GON4L: variants seen among roughly 807,000 people sequenced by gnomAD.
GON4L encodes GON-4-like protein.
Under a neutral mutation model 211.8 loss-of-function variants are expected in GON4L, and 87 were observed. That is an observed-to-expected ratio of 0.41 (90% CI 0.35 to 0.49). The LOEUF is 0.49. GON4L is among the 20% of genes least tolerant of loss of function. GON4L has a pLI of 0.15. For missense variants in GON4L, 2,155 were observed against 2,659.5 expected, an observed-to-expected ratio of 0.81 and a Z score of 4.17; for synonymous variants, 875 against 962.6, an observed-to-expected ratio of 0.91 and a Z score of 1.68.
intron 10 of GON4L, among the ~76,000 whole-genome samples, chr1:155,811,177 G>T (rs1667727989): frequency 6.6e-6 from 1 of 151,762 alleles, no homozygotes; most frequent in Admixed American, 6.6e-5. Flanking sequence ...TGGATCATGA[G>T]GTCAGGAGAT....
chr1:155,833,721 G>A (rs1236869843), intron 2 of GON4L, among the ~76,000 whole-genome samples: 35 of 96,798 alleles, frequency 3.6e-4, no homozygotes, highest in African/African-American at 1.2e-3. Flanking sequence ...GAGGGAAGAG[G>A]AGAGTGGGGA....
At chr1:155,811,904 T>C (rs1667824222) in intron 10 of GON4L, among the ~76,000 whole-genome samples, 1 of 150,906 alleles carries the variant, frequency 6.6e-6, no homozygotes, top group African/African-American at 2.4e-5. Context: ...ATACAAAAAT[T>C]AGCCAGGCGT....
At chr1:155,848,283 A>T (rs540587486) in intron 2 of GON4L, among the ~76,000 whole-genome samples, 5 of 152,060 alleles carry the variant, frequency 3.3e-5, no homozygotes, top group Admixed American at 1.3e-4. Context: ...ATCTGAACTC[A>T]TATTCAAACT....
intron 2 of GON4L, among the ~76,000 whole-genome samples, chr1:155,842,972 T>C (rs1284395520): frequency 2.0e-5 from 3 of 152,156 alleles, no homozygotes; most frequent in African/African-American, 7.2e-5. Context: ...ACTAGCTAGG[T>C]ACACCTGTCC....
chr1:155,853,113 GA>G lies in GON4L; in HGVS notation c.505+162del, dbSNP rs371559016. On this transcript the variant is annotated intron_variant, in intron 2 of 31. Transcript: ENST00000368331. Reference sequence around the variant, plus strand: ...GTGACATGGCAAGACTCCGTCTCAAGAAAAAAAAAAAGTTCACTGTTGACCC... The same window carrying G: ...GTGACATGGCAAGACTCCGTCTCAAGAAAAAAAAAAGTTCACTGTTGACCC... 1.9e-3 allele frequency among the ~76,000 whole-genome samples: 283 copies of G among 145,704 alleles called. 1 individual carries two copies. The highest frequency in any genetic ancestry group is 6.4e-3 in the African/African-American group (257 of 40,016).
At chr1:155,835,595 T>C (rs1388455493) in intron 2 of GON4L, among the ~76,000 whole-genome samples, 1 of 152,116 alleles carries the variant, frequency 6.6e-6, no homozygotes, top group African/African-American at 2.4e-5. Flanking sequence ...ATTTTCGTCA[T>C]TTGGTATGGG....
intron 11 of GON4L, among the ~76,000 whole-genome samples, chr1:155,800,637 A>C (rs1666556428): frequency 6.6e-6 from 1 of 152,110 alleles, no homozygotes; most frequent in Non-Finnish European, 1.5e-5. Context: ...GTGGAACAGA[A>C]GGTCAGGAGT....
chr1:155,766,576 T>A lies in GON4L; in HGVS notation c.2897A>T (p.Glu966Val), dbSNP rs1327110068. 15 of 1,613,984 alleles carry A rather than the reference T, an allele frequency of 9.3e-6. No homozygotes were observed. The highest frequency in any genetic ancestry group is 1.3e-5 in the Non-Finnish European group (15 of 1,180,026). The change falls in exon 21 of 32, where the codon GAA (glutamate) becomes GTA (valine). Residue 966 changes from glutamate to valine, a missense_variant. Physicochemically the swap from Glu to Val is moderately radical, Grantham distance 121 (BLOSUM62 -2). Transcript: ENST00000368331. ...AGGCAATAGCAGTGGGTACCGAGAT[T>A]CACTCCCCAACTCCAAATTGTCTTT... ...LEKDNLELGSESRYPLLLPKG... is the reference protein window; with the variant it reads ...LEKDNLELGSVSRYPLLLPKG...
At chr1:155,811,388 T>A in intron 10 of GON4L, among the ~76,000 whole-genome samples, 1 of 30,054 alleles carries the variant, frequency 3.3e-5, no homozygotes, top group South Asian at 2.1e-3. Context: ...CAAGACTCCG[T>A]CTCAAAAAAA....
rs576146944 is a variant in GON4L, at chr1:155,848,076, A to T, written c.505+5200T>A. On this transcript the variant is annotated intron_variant, in intron 2 of 31. Transcript: ENST00000368331. Reference sequence around the variant, plus strand: ...AATAACCTGCCCTTATTTAGTATATAATCAAGGAATAGCTATCTATTCACA... The same window carrying T: ...AATAACCTGCCCTTATTTAGTATATTATCAAGGAATAGCTATCTATTCACA... 2.9e-4 allele frequency among the ~76,000 whole-genome samples: 44 copies of T among 151,078 alleles called. No homozygotes were observed. In the East Asian group the frequency reaches 3.7e-3, roughly 13 times the overall value.
At chr1:155,794,903 T>A in intron 12 of GON4L, 147 bp downstream of exon 12, 1 of 674,294 alleles carries the variant, frequency 1.5e-6, no homozygotes, top group Non-Finnish European at 2.7e-6. Flanking sequence ...GTACCTAAAT[T>A]TAAAGAATCA....
chr1:155,824,458 A>AG, intron 3 of GON4L, among the ~76,000 whole-genome samples: 1 of 146,862 alleles, frequency 6.8e-6, no homozygotes, highest in Non-Finnish European at 1.5e-5. Flanking sequence ...AAAAAAAAAA[A>AG]AAAAGGCTAG....
intron 10 of GON4L, among the ~76,000 whole-genome samples, chr1:155,807,329 G>A (rs1340528706): frequency 2.6e-5 from 4 of 152,202 alleles, no homozygotes; most frequent in Middle Eastern, 6.8e-3. Context: ...AACACAGGAG[G>A]AGGTTGAGGC....
At position 155,855,979 on chromosome 1, in the gene GON4L, CAAAAAAAA is replaced by C. The variant is rs755007254; in HGVS notation, c.-27+1160_-27+1167del. Among the ~76,000 whole-genome samples, 231 of 23,686 alleles carry C rather than the reference CAAAAAAAA, an allele frequency of 9.8e-3. 2 individuals carry two copies. Among genetic ancestry groups the C allele is most frequent in the South Asian group, 0.073 (40 of 546 alleles). 15.5% of individuals were successfully genotyped at this position (23,686 alleles called of 152,430 possible). ...CCTGGGCAACAGAGGGAGACTCTGT[CAAAAAAAA>C]AAAAAAAAAAAAAAAAAAAAGGCAT... On this transcript the variant is annotated intron_variant, in intron 1 of 31. Transcript: ENST00000368331.
At position 155,762,249 on chromosome 1, in the gene GON4L, C is replaced by T. The variant is rs761804260; in HGVS notation, c.4852G>A (p.Glu1618Lys). Reference sequence around the variant, plus strand: ...TTCTGCTCCCTGAGTGGATCTCGCTCGAGAATGTCCTCATCATACAGCAAC... The same window carrying T: ...TTCTGCTCCCTGAGTGGATCTCGCTTGAGAATGTCCTCATCATACAGCAAC... ...LLLLYDEDIL[E>K]RDPLREQKDL... Residue 1618 changes from glutamate (E) to lysine (K), a missense_variant, in exon 23 of 32, where the codon GAG becomes AAG. By Grantham distance (56) the Glu-to-Lys change is moderately conservative. Coordinates refer to ENST00000368331, the MANE Select transcript of GON4L (RefSeq NM_001282860.2). The T allele has an allele frequency of 5.0e-6, 8 of 1,611,916 alleles. No homozygotes were observed. The highest frequency in any genetic ancestry group is 6.8e-6 in the Non-Finnish European group (8 of 1,179,164).
At chr1:155,836,949 T>C (rs1220937077) in intron 2 of GON4L, among the ~76,000 whole-genome samples, 1 of 152,190 alleles carries the variant, frequency 6.6e-6, no homozygotes, top group Admixed American at 6.6e-5. Context: ...AGTCACATTA[T>C]TCTATGGCCC....
Position 155,773,046 on chromosome 1 carries a change from C to T in GON4L, c.2495+20G>A, listed in dbSNP as rs1663370152. The T allele has an allele frequency of 3.1e-6, 5 of 1,611,566 alleles. No homozygotes were observed. Among genetic ancestry groups the T allele is most frequent in the Non-Finnish European group, 3.4e-6 (4 of 1,179,570 alleles). Reference sequence around the variant, plus strand: ...CCTTGGGATGTTCTGCTGTTTTGATCCCCCAGAGTAAACACTTACTTGTCC... The same window carrying T: ...CCTTGGGATGTTCTGCTGTTTTGATTCCCCAGAGTAAACACTTACTTGTCC... On this transcript the variant is annotated intron_variant, in intron 18 of 31. Coordinates refer to ENST00000368331, the MANE Select transcript of GON4L (RefSeq NM_001282860.2).
chr1:155,815,785 AC>A lies in GON4L; in HGVS notation c.1161+19del. 8.7e-7 allele frequency: 1 copy of A among 1,155,080 alleles called. No individual in the cohort carries two copies. The highest frequency in any genetic ancestry group is 1.2e-6 in the Non-Finnish European group (1 of 811,738). 71.6% of individuals were successfully genotyped at this position (1,155,080 alleles called of 1,614,324 possible). A position where few individuals can be genotyped will look rare whatever the true frequency, so the allele number is the denominator to read the frequency against. ...ACCCTGCTCTATTAAGACAAATATTACCAACTAACATTCACTGACCTCTTCA... is the reference window on the plus strand; with the variant it reads ...ACCCTGCTCTATTAAGACAAATATTACAACTAACATTCACTGACCTCTTCA... On this transcript the variant is annotated intron_variant, in intron 8 of 31. Transcript: ENST00000368331.
chr1:155,813,862 C>CA (rs1364501280), intron 9 of GON4L, 58 bp from the exon 10 acceptor site: 40 of 1,447,796 alleles, frequency 2.8e-5, no homozygotes, highest in Non-Finnish European at 3.6e-5. Flanking sequence ...AAAGAGAAAG[C>CA]AAAAAAAGGA....
Sources: gnomAD v4.1 joint callset for allele counts (sites outside exome capture counted in the v4.1 genomes callset) on GRCh38, gnomAD v4.1.1 for gene constraint, MANE v1.5 for transcripts, NCBI Gene and HGNC (gene_info 2026-07-23, HGNC 2026-07-21) for gene names.